The following EPHX3 variants were observed in gnomAD, a reference collection of about 807,000 sequenced individuals.
EPHX3 encodes the protein epoxide hydrolase 3.
In EPHX3, 39 loss-of-function variants were observed where a neutral mutation model predicts 40.2. The ratio of observed to expected loss-of-function variants is 0.97; its 90% CI spans 0.75 to 1.27. The LOEUF (loss-of-function observed/expected upper bound fraction) is 1.27, where lower values mean the gene tolerates loss of function less well. Among genes scored for constraint, EPHX3 ranks in the 50% most tolerant of loss-of-function variants. The probability of loss-of-function intolerance (pLI) is 0.00; values close to 1 mark genes in which losing one functional copy is unlikely to be tolerated. For missense variants in EPHX3, 442 were observed against 474.0 expected (o/e 0.93, Z 0.63); for synonymous variants, 213 against 209.7 (o/e 1.02, Z -0.14).
intron 4 of EPHX3, among the ~76,000 whole-genome samples, chr19:15,229,197 T>C (rs1008961209): frequency 2.6e-5 from 4 of 151,954 alleles, no homozygotes; most frequent in African/African-American, 7.2e-5. Flanking sequence ...CTGGGCAACA[T>C]AGTGAAAACC....
Position 15,228,110 on chromosome 19 carries a change from G to A in EPHX3, c.617-10C>T. ...TGGTGCAGGGAATAGTCTGGGGTGG[G>A]AGGGTTGGGGGAGAGATATAAGGCC... On this transcript the variant is annotated splice_polypyrimidine_tract_variant and intron_variant, in intron 4 of 6. Coordinates refer to ENST00000221730, the MANE Select transcript of EPHX3 (RefSeq NM_024794.3). 9.9e-7 allele frequency: 1 copy of A among 1,012,324 alleles called. No individual in the cohort carries two copies. The highest frequency in any genetic ancestry group is 1.5e-6 in the Non-Finnish European group (1 of 666,840). The allele number at this position is 1,012,324 out of a possible 1,614,324, so 62.7% of individuals were successfully genotyped here.
chr19:15,232,443 A>G lies in EPHX3; in HGVS notation c.-232T>C. 1 of 1,340,680 alleles carries G rather than the reference A, an allele frequency of 7.5e-7. No homozygotes were observed. The highest frequency in any genetic ancestry group is 1.9e-5 in the South Asian group (1 of 53,782). The allele number at this position is 1,340,680 out of a possible 1,614,324, so 83.0% of individuals were successfully genotyped here. A position where few individuals can be genotyped will look rare whatever the true frequency, so the allele number is the denominator to read the frequency against. ...CCTGGGCGCGACAGGGACAGGAAAC[A>G]AGGGTAGGGTGCGGAGGCTGGGGAG... is the stretch of plus-strand genomic sequence containing the variant. On this transcript the variant is annotated 5_prime_UTR_variant, in exon 1 of 7. Transcript: ENST00000221730.
At chr19:15,230,413 C>T (rs1393618344) in intron 4 of EPHX3, among the ~76,000 whole-genome samples, 1 of 152,112 alleles carries the variant, frequency 6.6e-6, no homozygotes, top group Non-Finnish European at 1.5e-5. Flanking sequence ...TCAAGCAATC[C>T]ACCGGCTTTG....
At position 15,232,168 on chromosome 19, in the gene EPHX3, A is replaced by G. The variant is rs2145486147; in HGVS notation, c.44T>C (p.Leu15Pro). 2.6e-6 allele frequency: 4 copies of G among 1,524,790 alleles called. No individual in the cohort carries two copies. Among genetic ancestry groups the G allele is most frequent in the African/African-American group, 2.8e-5 (2 of 70,598 alleles). 94.5% of individuals were successfully genotyped at this position (1,524,790 alleles called of 1,614,324 possible). The change falls in exon 1 of 7, where the codon CTG becomes CCG. Residue 15 changes from leucine to proline, a missense_variant. Coordinates refer to ENST00000221730, the MANE Select transcript of EPHX3 (RefSeq NM_024794.3). ...GAAGGCGCGCAGCAGCTTCAGCGAC[A>G]GGCGCGACGGCGCCAGCAGCGCGGT... Reference protein sequence around the residue: ...VVTALLAPSRLSLKLLRAFMW... With the variant: ...VVTALLAPSRPSLKLLRAFMW...
In EPHX3 at chr19:15,232,224, C is replaced by G. The variant is rs2047161429; in HGVS notation, c.-13G>C. 2 of 1,485,938 alleles carry G rather than the reference C, an allele frequency of 1.3e-6. No homozygotes were observed. The highest frequency in any genetic ancestry group is 2.4e-5 in the Admixed American group (1 of 41,730). 92.0% of individuals were successfully genotyped at this position (1,485,938 alleles called of 1,614,324 possible). A position where few individuals can be genotyped will look rare whatever the true frequency, so the allele number is the denominator to read the frequency against. Reference sequence around the variant, plus strand: ...CCAGCTCCGGCATGTCGCCGCGCTCCGGGACCACGGCGGCGCTGCCGGCCA... The same window carrying G: ...CCAGCTCCGGCATGTCGCCGCGCTCGGGGACCACGGCGGCGCTGCCGGCCA... On this transcript the variant is annotated 5_prime_UTR_variant, in exon 1 of 7. Coordinates refer to ENST00000221730, the MANE Select transcript of EPHX3 (RefSeq NM_024794.3).
At chr19:15,231,656 C>G (rs1044571615) in intron 2 of EPHX3, 120 bp downstream of exon 2, 1 of 1,124,066 alleles carries the variant, frequency 8.9e-7, no homozygotes, top group Non-Finnish European at 1.3e-6. Flanking sequence ...CTCAGTACCC[C>G]TATCCCCATC....
Position 15,231,868 on chromosome 19 carries a change from G to C in EPHX3, c.244-7C>G. The C allele has an allele frequency of 6.2e-7, 1 of 1,613,680 alleles. No homozygotes were observed. On this transcript the variant is annotated splice_polypyrimidine_tract_variant and splice_region_variant and intron_variant, in intron 1 of 6. Transcript: ENST00000221730. ...GCAGACGCAGGCCCGAGCTCTAGGG[G>C]GAGGGCACAGCCTGAAGCCTGGGGA...
upstream of EPHX3, among the ~76,000 whole-genome samples, chr19:15,235,099 T>C (rs923753573): frequency 5.9e-5 from 9 of 152,160 alleles, no homozygotes; most frequent in African/African-American, 2.2e-4. Context: ...CCTCCAGTGT[T>C]CAAGCAATTC....
intron 4 of EPHX3, 87 bp downstream of exon 4, chr19:15,230,875 A>G (rs2145483621): frequency 6.5e-7 from 1 of 1,542,034 alleles, no homozygotes; most frequent in Non-Finnish European, 8.8e-7. Flanking sequence ...ATGTGTTGAC[A>G]GGTATACAGA....
intron 4 of EPHX3, among the ~76,000 whole-genome samples, chr19:15,230,216 T>G (rs2047144064): frequency 6.6e-6 from 1 of 152,210 alleles, no homozygotes; most frequent in Non-Finnish European, 1.5e-5. Context: ...TCATCCAGGC[T>G]GGAGTGCAGT....
chr19:15,227,763 G>A lies in EPHX3; in HGVS notation c.857+8C>T. The A allele has an allele frequency of 6.2e-7, 1 of 1,613,540 alleles. No homozygotes were observed. The highest frequency in any genetic ancestry group is 8.5e-7 in the Non-Finnish European group (1 of 1,179,786). On this transcript the variant is annotated splice_region_variant and intron_variant, in intron 6 of 6. Coordinates refer to ENST00000221730, the MANE Select transcript of EPHX3 (RefSeq NM_024794.3). ...TCTCCTGAGCTTATGCTTGGCAACT[G>A]GTCTCACCTGAAGAGGTTTCGGTAG...
At chr19:15,230,653 A>ATTT (rs35540856) in intron 4 of EPHX3, among the ~76,000 whole-genome samples, 12 of 135,130 alleles carry the variant, frequency 8.9e-5, no homozygotes, top group Non-Finnish European at 1.4e-4. Context: ...GGCTAATTAC[A>ATTT]TTTTTTTTTT....
At chr19:15,228,661 G>C (rs1011052879) in intron 4 of EPHX3, among the ~76,000 whole-genome samples, 1 of 151,362 alleles carries the variant, frequency 6.6e-6, no homozygotes, top group African/African-American at 2.4e-5. Context: ...GGGACTACAG[G>C]CACCCGCCAC....
chr19:15,233,192 C>A (rs1036360001), upstream of EPHX3: 1 of 149,672 alleles, frequency 6.7e-6, no homozygotes, highest in Admixed American at 6.7e-5. Context: ...AGACGGAGGG[C>A]GGGGCCGGGA....
chr19:15,231,077 G>C lies in EPHX3; in HGVS notation c.501C>G (p.Cys167Trp). Residue 167 changes from cysteine to tryptophan, a missense_variant, in exon 4 of 7, where the codon TGC (cysteine) becomes TGG (tryptophan). By Grantham distance (215) the Cys-to-Trp change is radical. Transcript: ENST00000221730. ...DVILGLGYSKCILVAHDWGAL... is the reference protein window; with the variant it reads ...DVILGLGYSKWILVAHDWGAL... The stretch of plus-strand genomic sequence containing the variant: ...CACCCCAGTCATGGGCCACAAGGAT[G>C]CACTTCGAGTAACCTGTGGGAATTC... 6.2e-7 allele frequency: 1 copy of C among 1,614,082 alleles called. No homozygotes were observed. Among genetic ancestry groups the C allele is most frequent in the African/African-American group, 1.3e-5 (1 of 75,030 alleles).
chr19:15,227,939 C>T (rs1384585146), intron 5 of EPHX3, 32 bp from the exon 6 acceptor site: 2 of 1,613,844 alleles, frequency 1.2e-6, no homozygotes, highest in Non-Finnish European at 1.7e-6. Context: ...GGCTTCAGTG[C>T]CCAGCCTGCC....
intron 4 of EPHX3, among the ~76,000 whole-genome samples, chr19:15,228,760 C>T (rs1205033400): frequency 1.3e-5 from 2 of 151,694 alleles, no homozygotes; most frequent in African/African-American, 4.8e-5. Flanking sequence ...ACCTCATGAT[C>T]CACCCGCCTC....
intron 4 of EPHX3, among the ~76,000 whole-genome samples, chr19:15,230,574 A>G (rs1239834208): frequency 1.3e-5 from 2 of 151,740 alleles, no homozygotes; most frequent in Non-Finnish European, 2.9e-5. Context: ...TCCACCTCCC[A>G]GGTTCAAGAG....
intron 4 of EPHX3, among the ~76,000 whole-genome samples, chr19:15,229,510 G>A (rs2047136638): frequency 6.6e-6 from 1 of 151,372 alleles, no homozygotes; most frequent in Non-Finnish European, 1.5e-5. Flanking sequence ...GCTGAGGCAA[G>A]AGAATCACTT....
Sources: allele counts gnomAD v4.1 joint callset (sites outside exome capture counted in the v4.1 genomes callset), GRCh38; gene constraint gnomAD v4.1.1; transcripts MANE v1.5; gene names NCBI Gene and HGNC (gene_info 2026-07-23, HGNC 2026-07-21).